The following PPP2R2C variants were observed in gnomAD, a reference collection of about 807,000 sequenced individuals.
PPP2R2C encodes protein phosphatase 2, regulatory subunit B, gamma.
In PPP2R2C, 10 loss-of-function variants were observed where a neutral mutation model predicts 45.3. The observed-to-expected ratio is 0.22, with a 90% CI of 0.14 to 0.37. PPP2R2C has a LOEUF of 0.37. PPP2R2C is among the 10% of genes least tolerant of loss of function. PPP2R2C has a pLI of 1.00. For synonymous variants in PPP2R2C, 257 were observed against 245.4 expected (o/e 1.05, Z -0.44); for missense variants, 308 against 619.7 (o/e 0.50, Z 5.34).
rs1309337976 is a variant in PPP2R2C at position 6,563,103 on chromosome 4, C to T, written c.-59+457G>A. 6.6e-6 allele frequency among the ~76,000 whole-genome samples: 1 copy of T among 152,218 alleles called. No individual in the cohort carries two copies. Among genetic ancestry groups the T allele is most frequent in the Non-Finnish European group, 1.5e-5 (1 of 68,038 alleles). On this transcript the variant is annotated intron_variant, in intron 1 of 9. Transcript: ENST00000506140. This position sits in a 1 kb window ranked among gnomAD's most constrained non-coding sequence, Gnocchi z 5.8. ...GGGACTGAACTCCGCCGCATTGGGT[C>T]TTACCCCGGACTCCGAGCCGGACCC...
intron 1 of PPP2R2C, among the ~76,000 whole-genome samples, chr4:6,450,909 C>T (rs1032443776): frequency 3.3e-5 from 5 of 152,182 alleles, no homozygotes; most frequent in Admixed American, 1.3e-4. Flanking sequence ...ACACCTCCAT[C>T]GGCGGACACT....
chr4:6,556,975 G>A (rs567477231), intron 1 of PPP2R2C, among the ~76,000 whole-genome samples: 2 of 152,302 alleles, frequency 1.3e-5, no homozygotes, highest in Admixed American at 6.5e-5. Flanking sequence ...CCCCGGCAGA[G>A]ATCCAGGTGG....
At chr4:6,519,025 C>T (rs1232974567) in intron 2 of PPP2R2C, among the ~76,000 whole-genome samples, 1 of 151,730 alleles carries the variant, frequency 6.6e-6, no homozygotes, top group African/African-American at 2.4e-5. Context: ...AAGTACCAGG[C>T]CCAGATGGGT....
rs566273567 is a variant in PPP2R2C at position 6,401,972 on chromosome 4, A to T, written c.71-20878T>A. ...GGCGCAAATCCTGGCTCTGTCACTC[A>T]CGCACTGTGTGACTTTGGGCCAGTT... is the stretch of plus-strand genomic sequence containing the variant. On this transcript the variant is annotated intron_variant, in intron 1 of 8. Transcript: ENST00000382599. Among the ~76,000 whole-genome samples the T allele has an allele frequency of 3.3e-5, 5 of 152,272 alleles. No homozygotes were observed. The South Asian group carries it at 1.0e-3, about 32-fold the overall frequency.
intron 1 of PPP2R2C, among the ~76,000 whole-genome samples, chr4:6,433,945 A>G (rs1304167736): frequency 6.6e-6 from 1 of 152,196 alleles, no homozygotes; most frequent in African/African-American, 2.4e-5. Flanking sequence ...TGCAAAGGGC[A>G]CAAAAAAGCT....
At chr4:6,559,586 CT>C (rs1725512172) in intron 1 of PPP2R2C, among the ~76,000 whole-genome samples, 1 of 152,194 alleles carries the variant, frequency 6.6e-6, no homozygotes, top group Admixed American at 6.5e-5. Flanking sequence ...GGACTGGATG[CT>C]TGTGTCCCCC....
intron 1 of PPP2R2C, among the ~76,000 whole-genome samples, chr4:6,543,354 C>T (rs559812121): frequency 4.6e-5 from 7 of 152,156 alleles, no homozygotes; most frequent in Non-Finnish European, 5.9e-5. Context: ...AGCTCAGCCT[C>T]TGCCTCCTAT....
At chr4:6,445,971 C>T (rs951369129) in intron 1 of PPP2R2C, among the ~76,000 whole-genome samples, 1 of 152,208 alleles carries the variant, frequency 6.6e-6, no homozygotes, top group African/African-American at 2.4e-5. Flanking sequence ...CTGCCCGGCA[C>T]ACCCTCCAAG....
intron 1 of PPP2R2C, among the ~76,000 whole-genome samples, chr4:6,562,115 G>A (rs1189618319): frequency 1.3e-5 from 2 of 152,210 alleles, no homozygotes; most frequent in Admixed American, 1.3e-4. Flanking sequence ...GACACATTCA[G>A]GGGCCTGGAG....
chr4:6,351,670 A>T (rs1712571526), intron 5 of PPP2R2C, among the ~76,000 whole-genome samples: 2 of 152,154 alleles, frequency 1.3e-5, no homozygotes, highest in Admixed American at 1.3e-4. Context: ...AGAAGGAGAA[A>T]AATCACTGTC....
rs368591785 is a variant in PPP2R2C, at chr4:6,506,439, T to C, written c.49+28832A>G. Among the ~76,000 whole-genome samples the C allele has an allele frequency of 2.1e-3, 314 of 152,284 alleles. 1 individual carries two copies. The Middle Eastern group carries it at 0.024, about 12-fold the overall frequency. ...ACGTGGAACACAGCTATGCCAACAT[T>C]CCACAACAGATCTTATTCACATGGA... is the stretch of plus-strand genomic sequence containing the variant. On this transcript the variant is annotated intron_variant, in intron 2 of 9. Coordinates refer to the PPP2R2C transcript ENST00000506140.
chr4:6,433,041 TA>T (rs1271639995), intron 1 of PPP2R2C, among the ~76,000 whole-genome samples: 1 of 152,202 alleles, frequency 6.6e-6, no homozygotes, highest in African/African-American at 2.4e-5. Flanking sequence ...TAGCTTACTT[TA>T]TTAGAATACA....
chr4:6,372,620 G>T lies in PPP2R2C; in HGVS notation c.528C>A (p.Ile176=). 1.2e-6 allele frequency: 2 copies of T among 1,614,238 alleles called. No individual in the cohort carries two copies. Among genetic ancestry groups the T allele is most frequent in the Non-Finnish European group, 1.7e-6 (2 of 1,180,034 alleles). ...RIFANGHTYH[I]NSISVNSDCE... is the part of the protein sequence containing the mutation. ...AGTCACTGTTGACGGAGATGGAGTT[G>T]ATGTGGTAGGTGTGGCCATTGGCAA... Residue 176 remains isoleucine (I), a synonymous_variant, in exon 5 of 9, where the codon ATC becomes ATA. Coordinates refer to ENST00000382599, the MANE Select transcript of PPP2R2C (RefSeq NM_020416.4).
chr4:6,419,888 T>C (rs896090054), intron 1 of PPP2R2C, among the ~76,000 whole-genome samples: 3 of 152,110 alleles, frequency 2.0e-5, no homozygotes, highest in African/African-American at 7.2e-5. Flanking sequence ...GTCCTCTCCT[T>C]AGAAGGACAC....
intron 1 of PPP2R2C, among the ~76,000 whole-genome samples, chr4:6,436,346 C>T (rs1276771620): frequency 1.3e-5 from 2 of 152,230 alleles, no homozygotes; most frequent in African/African-American, 2.4e-5. Flanking sequence ...GTAGAAAATT[C>T]TGCTTTGTTT....
chr4:6,512,083 A>G (rs1392390869), intron 2 of PPP2R2C, among the ~76,000 whole-genome samples: 2 of 14,074 alleles, frequency 1.4e-4, no homozygotes, highest in Admixed American at 6.8e-4. Flanking sequence ...GATGGTGCTG[A>G]TGGTGGTGGT....
intron 1 of PPP2R2C, among the ~76,000 whole-genome samples, chr4:6,470,321 G>A (rs145497057): frequency 3.9e-5 from 6 of 152,336 alleles, no homozygotes; most frequent in Non-Finnish European, 8.8e-5. Flanking sequence ...GGATTGGATA[G>A]CACTGCTCTG....
At chr4:6,365,635 C>T (rs1714234998) in intron 5 of PPP2R2C, among the ~76,000 whole-genome samples, 1 of 152,206 alleles carries the variant, frequency 6.6e-6, no homozygotes, top group Admixed American at 6.5e-5. Flanking sequence ...TCTGCTCCCT[C>T]CTTTGTTCTC....
At chr4:6,530,339 G>T (rs3934626) in intron 2 of PPP2R2C, among the ~76,000 whole-genome samples, 2 of 151,882 alleles carry the variant, frequency 1.3e-5, no homozygotes, top group Non-Finnish European at 2.9e-5. Context: ...TGCACGCGAC[G>T]TATGTAGAAG....
Sources: gnomAD v4.1 joint callset for allele counts (sites outside exome capture counted in the v4.1 genomes callset) on GRCh38, gnomAD v4.1.1 for gene constraint, Gnocchi (gnomAD v3.1) non-coding constraint, MANE v1.5 for transcripts, NCBI Gene and HGNC (gene_info 2026-07-23, HGNC 2026-07-21) for gene names.